The following NFIA variants were observed in gnomAD, a reference collection of about 807,000 sequenced individuals.
The protein encoded by NFIA is nuclear factor 1 A-type.
NFIA carries 8 observed loss-of-function variants against 62.8 expected under a neutral mutation model. That is an observed-to-expected ratio of 0.13 (90% CI 0.07 to 0.23). The LOEUF (loss-of-function observed/expected upper bound fraction) is 0.23. Among genes scored for constraint, NFIA ranks in the 10% least tolerant of loss-of-function variants. The pLI is 1.00. For synonymous variants in NFIA, 235 were observed against 238.1 expected, an observed-to-expected ratio of 0.99 and a Z score of 0.12; for missense variants, 410 against 642.1, an observed-to-expected ratio of 0.64 and a Z score of 3.91.
chr1:61,266,274 G>C (rs964128467), intron 2 of NFIA, among the ~76,000 whole-genome samples: 29 of 152,094 alleles, frequency 1.9e-4, no homozygotes, highest in African/African-American at 7.0e-4. Context: ...CTCCAAACCA[G>C]AAAGAACACC....
chr1:61,115,342 T>C (rs561201858), intron 2 of NFIA, among the ~76,000 whole-genome samples: 1 of 152,226 alleles, frequency 6.6e-6, no homozygotes, highest in East Asian at 1.9e-4. Context: ...GTAGAAGAAA[T>C]ATAGAGAAAA....
chr1:61,414,770 C>T lies in NFIA; in HGVS notation c.1420+8043C>T, dbSNP rs560996199. Among the ~76,000 whole-genome samples the T allele has an allele frequency of 9.9e-5, 15 of 152,044 alleles. No individual in the cohort carries two copies. In the South Asian group the frequency reaches 1.7e-3, roughly 17 times the overall value. On this transcript the variant is annotated intron_variant, in intron 9 of 10. Transcript: ENST00000403491. The stretch of plus-strand genomic sequence containing the variant: ...AAAAAAGGAGTTAGTGGCTTCCATT[C>T]GCGGAACTGTTTTTTTTCATTAGTG...
At chr1:61,386,976 G>C (rs1216292567) in intron 7 of NFIA, among the ~76,000 whole-genome samples, 1 of 152,188 alleles carries the variant, frequency 6.6e-6, no homozygotes, top group African/African-American at 2.4e-5. Flanking sequence ...AAGGGGTGGG[G>C]TCGCTCTCTA....
intron 6 of NFIA, among the ~76,000 whole-genome samples, chr1:61,379,502 G>T (rs1331619609): frequency 6.8e-6 from 1 of 147,628 alleles, no homozygotes; most frequent in African/African-American, 2.5e-5. Flanking sequence ...CCGCCTCCCA[G>T]GTTCAAGCAA....
intron 2 of NFIA, among the ~76,000 whole-genome samples, chr1:61,126,340 C>T (rs2100480028): frequency 6.6e-6 from 1 of 152,104 alleles, no homozygotes; most frequent in Admixed American, 6.5e-5. Context: ...GATCACAGAG[C>T]TGATGCAATT....
intron 2 of NFIA, among the ~76,000 whole-genome samples, chr1:61,125,821 C>A (rs1179850789): frequency 1.3e-5 from 2 of 152,272 alleles, no homozygotes; most frequent in East Asian, 3.9e-4. Flanking sequence ...GTTTTGCTAA[C>A]CAGACCCTAG....
At chr1:61,298,638 C>G (rs1456038574) in intron 3 of NFIA, among the ~76,000 whole-genome samples, 1 of 152,140 alleles carries the variant, frequency 6.6e-6, no homozygotes, top group East Asian at 1.9e-4. Context: ...GGATAAATAA[C>G]TGTTTCTCTC....
At chr1:61,350,610 T>C (rs1195918793) in intron 4 of NFIA, among the ~76,000 whole-genome samples, 2 of 151,990 alleles carry the variant, frequency 1.3e-5, no homozygotes, top group Non-Finnish European at 2.9e-5. Context: ...CATCTGCACT[T>C]AGCCTGTGTG....
chr1:61,089,714 T>TTTTTTTTTA (rs1281807986), intron 2 of NFIA, among the ~76,000 whole-genome samples: 1 of 149,344 alleles, frequency 6.7e-6, no homozygotes, highest in African/African-American at 2.5e-5. Flanking sequence ...TTTTTTTTTT[T>TTTTTTTTTA]ACAAAGGAGA....
intron 10 of NFIA, among the ~76,000 whole-genome samples, chr1:61,449,310 C>T (rs1170661745): frequency 6.6e-6 from 1 of 152,212 alleles, no homozygotes; most frequent in African/African-American, 2.4e-5. Context: ...GGGTGACTGA[C>T]ACCAGGCTTT....
intron 3 of NFIA, among the ~76,000 whole-genome samples, chr1:61,288,191 C>T (rs975328799): frequency 1.3e-5 from 2 of 152,096 alleles, no homozygotes; most frequent in Non-Finnish European, 2.9e-5. Flanking sequence ...TACTGGCAGA[C>T]CATTTACTCA....
At chr1:61,110,325 G>A (rs1336449364) in intron 2 of NFIA, among the ~76,000 whole-genome samples, 1 of 151,544 alleles carries the variant, frequency 6.6e-6, no homozygotes, top group Non-Finnish European at 1.5e-5. Flanking sequence ...CTTGTCGAGG[G>A]GTAAAGGTAT....
At chr1:61,343,494 T>C (rs1456981172) in intron 4 of NFIA, among the ~76,000 whole-genome samples, 1 of 152,210 alleles carries the variant, frequency 6.6e-6, no homozygotes, top group African/African-American at 2.4e-5. Context: ...ATGCCTTTCA[T>C]GGGGTTAAAA....
chr1:61,347,362 A>C (rs940532773), intron 4 of NFIA, among the ~76,000 whole-genome samples: 7 of 151,380 alleles, frequency 4.6e-5, no homozygotes, highest in African/African-American at 1.5e-4. Context: ...TTTAGCAGAG[A>C]TGGAGTTTCA....
At chr1:61,130,612 C>T (rs1188795380) in intron 2 of NFIA, among the ~76,000 whole-genome samples, 3 of 152,258 alleles carry the variant, frequency 2.0e-5, no homozygotes, top group African/African-American at 4.8e-5. Context: ...TACTAGACCA[C>T]GCCAGTGGCA....
chr1:61,277,710 C>CG (rs756871313), intron 3 of NFIA, 125 bp downstream of exon 3: 138 of 863,120 alleles, frequency 1.6e-4, no homozygotes, highest in Admixed American at 6.9e-4. Context: ...TCCAAAGACT[C>CG]GGAAAAACTC....
chr1:61,363,499 G>C (rs556111030), intron 6 of NFIA, among the ~76,000 whole-genome samples: 2 of 152,116 alleles, frequency 1.3e-5, no homozygotes, highest in East Asian at 3.9e-4. Context: ...AGCTACTCGG[G>C]AGGCTGAGGC....
At chr1:61,250,682 T>C (rs1655970544) in intron 2 of NFIA, among the ~76,000 whole-genome samples, 1 of 152,196 alleles carries the variant, frequency 6.6e-6, no homozygotes, top group South Asian at 2.1e-4. Flanking sequence ...CTATCTCTTT[T>C]CTGAAGCCTA....
chr1:61,152,236 G>C (rs1648469839), intron 2 of NFIA, among the ~76,000 whole-genome samples: 1 of 152,166 alleles, frequency 6.6e-6, no homozygotes, highest in Admixed American at 6.6e-5. Context: ...AGAGGCAGCA[G>C]GTCTTGTGGA....
Sources: gnomAD v4.1 joint callset for allele counts (sites outside exome capture counted in the v4.1 genomes callset) on GRCh38, gnomAD v4.1.1 for gene constraint, MANE v1.5 for transcripts, NCBI Gene and HGNC (gene_info 2026-07-23, HGNC 2026-07-21) for gene names.